Variants in TRIQK observed in about 807,000 individuals in gnomAD.
TRIQK encodes triple QxxK/R motif containing, also known as triple QxxK/R motif-containing protein.
TRIQK carries 10 observed loss-of-function variants against 10.8 expected under a neutral mutation model. The ratio of observed to expected loss-of-function variants is 0.92; its 90% CI spans 0.57 to 1.57. The LOEUF (loss-of-function observed/expected upper bound fraction) is 1.57, where lower values mean the gene tolerates loss of function less well. TRIQK is among the 40% of genes most tolerant of loss of function. The probability of loss-of-function intolerance (pLI) is 0.00; values close to 1 mark genes in which losing one functional copy is unlikely to be tolerated. For synonymous variants in TRIQK, 33 were observed against 33.7 expected (o/e 0.98, Z 0.07); for missense variants, 107 against 97.7 (o/e 1.09, Z -0.40).
intron 1 of TRIQK, among the ~76,000 whole-genome samples, chr8:92,955,599 T>G (rs1011275761): frequency 6.6e-6 from 1 of 151,654 alleles, no homozygotes; most frequent in African/African-American, 2.4e-5. Flanking sequence ...AATAAAAATT[T>G]TATGCTTTAA....
chr8:92,956,671 C>T (rs968859006), intron 1 of TRIQK, among the ~76,000 whole-genome samples: 2 of 151,636 alleles, frequency 1.3e-5, no homozygotes, highest in African/African-American at 4.8e-5. Context: ...CCTCATCTAC[C>T]ATAATTACAT....
At chr8:92,889,223 G>A (rs1478748378) in intron 4 of TRIQK, among the ~76,000 whole-genome samples, 1 of 151,668 alleles carries the variant, frequency 6.6e-6, no homozygotes, top group South Asian at 2.1e-4. Flanking sequence ...GCCTCTGAGG[G>A]TTAAGCCCCT....
At chr8:92,909,160 T>C (rs945917192) in intron 3 of TRIQK, among the ~76,000 whole-genome samples, 2 of 151,926 alleles carry the variant, frequency 1.3e-5, no homozygotes, top group Non-Finnish European at 2.9e-5. Flanking sequence ...CTAGTAACTA[T>C]GTCAGTAAAC....
intron 1 of TRIQK, among the ~76,000 whole-genome samples, chr8:93,008,828 A>G (rs1482862192): frequency 2.0e-5 from 3 of 152,106 alleles, no homozygotes; most frequent in Admixed American, 2.0e-4. Context: ...ACAGAAACCA[A>G]CTCCAAATGG....
chr8:92,980,061 A>C lies in TRIQK; in HGVS notation c.-180-25497T>G, dbSNP rs187284906. Among the ~76,000 whole-genome samples the C allele has an allele frequency of 4.8e-4, 73 of 152,194 alleles. 1 individual carries two copies. The highest frequency in any genetic ancestry group is 1.0e-4 in the Non-Finnish European group (7 of 67,960). ...AAATTAGAAAGATTTATAATGTCTCACCATTAGATCTGATGTTCACTTAAA... is the reference window on the plus strand; with the variant it reads ...AAATTAGAAAGATTTATAATGTCTCCCCATTAGATCTGATGTTCACTTAAA... On this transcript the variant is annotated intron_variant, in intron 1 of 4. Transcript: ENST00000520686.
chr8:93,000,003 T>C (rs1813192389), intron 1 of TRIQK, among the ~76,000 whole-genome samples: 1 of 152,170 alleles, frequency 6.6e-6, no homozygotes, highest in African/African-American at 2.4e-5. Flanking sequence ...GAGCTCTACA[T>C]ATACTTTCAA....
chr8:92,987,448 G>A (rs959123678), intron 1 of TRIQK, among the ~76,000 whole-genome samples: 2 of 152,182 alleles, frequency 1.3e-5, no homozygotes, highest in Non-Finnish European at 2.9e-5. Flanking sequence ...AGGCTTATAT[G>A]TGTGTATGTC....
chr8:92,978,855 C>T (rs139524162), intron 1 of TRIQK, among the ~76,000 whole-genome samples: 12 of 152,166 alleles, frequency 7.9e-5, no homozygotes, highest in Non-Finnish European at 1.3e-4. Context: ...CTGAAGGCTG[C>T]GAAAATCACT....
intron 2 of TRIQK, chr8:92,953,827 TGA>T (rs1812034488): frequency 6.6e-6 from 1 of 151,760 alleles, no homozygotes; most frequent in Admixed American, 6.6e-5. Flanking sequence ...TTGAGTAGAG[TGA>T]GGAGTGGGAA....
chr8:92,990,988 G>T (rs1813090279), intron 1 of TRIQK, among the ~76,000 whole-genome samples: 1 of 152,218 alleles, frequency 6.6e-6, no homozygotes, highest in Non-Finnish European at 1.5e-5. Context: ...AGCCCAGCAA[G>T]CTAAAATCCA....
At chr8:92,980,316 A>G (rs2130743277) in intron 1 of TRIQK, among the ~76,000 whole-genome samples, 2 of 151,960 alleles carry the variant, frequency 1.3e-5, no homozygotes, top group African/African-American at 4.8e-5. Context: ...CTCAAATTTG[A>G]CTTGTTAATA....
chr8:93,014,030 A>G (rs1039079418), intron 1 of TRIQK, among the ~76,000 whole-genome samples: 1 of 152,288 alleles, frequency 6.6e-6, no homozygotes, highest in East Asian at 1.9e-4. Context: ...CTACTGTTTC[A>G]CGAGTAGTCT....
At chr8:92,941,019 T>A (rs1369770918) in intron 2 of TRIQK, 3 of 152,134 alleles carry the variant, frequency 2.0e-5, no homozygotes, top group Admixed American at 2.0e-4. Flanking sequence ...AACATCCTTC[T>A]GAAAAATGAA....
At chr8:92,970,005 C>G (rs1249439912), upstream of TRIQK, among the ~76,000 whole-genome samples, 1 of 152,108 alleles carries the variant, frequency 6.6e-6, no homozygotes, top group Non-Finnish European at 1.5e-5. Context: ...CATGTGTTCT[C>G]ATTGTTCAGC....
intron 3 of TRIQK, among the ~76,000 whole-genome samples, chr8:92,898,637 A>C (rs1808733527): frequency 6.6e-6 from 1 of 151,740 alleles, no homozygotes; most frequent in Non-Finnish European, 1.5e-5. Flanking sequence ...TAAAGTTAGT[A>C]TGTTGGATTT....
rs149970130 is a variant in TRIQK, at chr8:92,953,918, T to C, written c.-22+488A>G. The C allele has an allele frequency of 8.9e-4, 135 of 151,976 alleles. No homozygotes were observed. In the East Asian group the frequency reaches 0.018, roughly 21 times the overall value. 9.4% of individuals were successfully genotyped at this position (151,976 alleles called of 1,614,324 possible). On this transcript the variant is annotated intron_variant, in intron 2 of 4. Coordinates refer to ENST00000521988, the MANE Select transcript of TRIQK (RefSeq NM_001171797.2). Reference sequence around the variant, plus strand: ...TATGTCATATTTCCTCTCTCCACAATACATAAGAAAAATGGATGTATCAAT... The same window carrying C: ...TATGTCATATTTCCTCTCTCCACAACACATAAGAAAAATGGATGTATCAAT...
intron 2 of TRIQK, among the ~76,000 whole-genome samples, chr8:92,951,114 G>C (rs1208225975): frequency 6.6e-6 from 1 of 151,424 alleles, no homozygotes; most frequent in East Asian, 1.9e-4. Context: ...TTTTATTGTT[G>C]TATGGCTATT....
chr8:92,977,347 T>C (rs970450545), intron 1 of TRIQK, among the ~76,000 whole-genome samples: 7 of 152,084 alleles, frequency 4.6e-5, no homozygotes, highest in African/African-American at 1.7e-4. Context: ...CTACTTGGTA[T>C]GTTCATACTT....
At chr8:92,900,276 G>A (rs1189337862) in intron 3 of TRIQK, among the ~76,000 whole-genome samples, 1 of 151,918 alleles carries the variant, frequency 6.6e-6, no homozygotes, top group East Asian at 1.9e-4. Flanking sequence ...CTCCATTTTT[G>A]CTTTGGTTGT....
Sources: gnomAD v4.1 joint callset for allele counts (sites outside exome capture counted in the v4.1 genomes callset) on GRCh38, gnomAD v4.1.1 for gene constraint, MANE v1.5 for transcripts, NCBI Gene and HGNC (gene_info 2026-07-23, HGNC 2026-07-21) for gene names.